SOX6: variants seen among roughly 807,000 people sequenced by gnomAD.
SOX6 encodes the protein transcription factor SOX-6.
SOX6 carries 11 observed loss-of-function variants against 97.8 expected under a neutral mutation model. The observed-to-expected ratio is 0.11, with a 90% confidence interval of 0.07 to 0.19. The LOEUF is 0.19. Ranked by LOEUF, SOX6 falls within the 10% of genes least tolerant of loss-of-function variation. The probability of loss-of-function intolerance (pLI) is 1.00; values close to 1 mark genes in which losing one functional copy is unlikely to be tolerated. For synonymous variants in SOX6, 360 were observed against 371.4 expected (o/e 0.97, Z 0.35); for missense variants, 810 against 1,039.5 (o/e 0.78, Z 3.04).
intron 3 of SOX6, among the ~76,000 whole-genome samples, chr11:16,276,639 T>C (rs573410133): frequency 2.0e-5 from 3 of 152,302 alleles, no homozygotes; most frequent in Admixed American, 1.3e-4. Context: ...CTTATAATGA[T>C]AAAGGGAAGG....
intron 4 of SOX6, among the ~76,000 whole-genome samples, chr11:16,588,504 A>G (rs1343853628): frequency 6.6e-6 from 1 of 152,162 alleles, no homozygotes; most frequent in African/African-American, 2.4e-5. Context: ...GTCCTTTCCC[A>G]GCTTCTGCTC....
At chr11:16,269,537 C>A (rs1206550671) in intron 3 of SOX6, among the ~76,000 whole-genome samples, 1 of 150,582 alleles carries the variant, frequency 6.6e-6, no homozygotes, top group African/African-American at 2.4e-5. Context: ...AAATAACTAA[C>A]TTCTTCATGA....
At chr11:16,177,653 C>CTCTCTCTCAT (rs1851235183) in intron 6 of SOX6, among the ~76,000 whole-genome samples, 3 of 150,046 alleles carry the variant, frequency 2.0e-5, no homozygotes, top group Non-Finnish European at 3.0e-5. Context: ...CTCTCTCATT[C>CTCTCTCTCAT]TCTCTCTCTC....
intron 4 of SOX6, among the ~76,000 whole-genome samples, chr11:16,574,490 G>A (rs1434406734): frequency 6.6e-6 from 1 of 152,094 alleles, no homozygotes; most frequent in African/African-American, 2.4e-5. Flanking sequence ...ATCTTCAGGT[G>A]TATTCAAGGT....
chr11:16,651,424 C>A (rs947613224), intron 3 of SOX6, among the ~76,000 whole-genome samples: 1 of 152,084 alleles, frequency 6.6e-6, no homozygotes, highest in African/African-American at 2.4e-5. Flanking sequence ...AGATAATACA[C>A]CATGATCAAC....
At chr11:16,146,648 AT>A (rs1850306500) in intron 6 of SOX6, among the ~76,000 whole-genome samples, 1 of 152,180 alleles carries the variant, frequency 6.6e-6, no homozygotes, top group Non-Finnish European at 1.5e-5. Flanking sequence ...ACTCAAACAA[AT>A]TTACAAGAAA....
At chr11:16,659,955 A>C (rs993652062) in intron 3 of SOX6, among the ~76,000 whole-genome samples, 1 of 152,062 alleles carries the variant, frequency 6.6e-6, no homozygotes, top group Non-Finnish European at 1.5e-5. Context: ...TGTTCATGGA[A>C]TCAGTATAGT....
At chr11:16,264,544 T>C (rs1221792931) in intron 3 of SOX6, 1 of 151,956 alleles carries the variant, frequency 6.6e-6, no homozygotes, top group Non-Finnish European at 1.5e-5. Context: ...TTTTTGCATA[T>C]CTTTTTTCAT....
intron 2 of SOX6, among the ~76,000 whole-genome samples, chr11:16,333,600 T>TA (rs1169903980): frequency 0.013 from 1,971 of 148,056 alleles, 27 homozygotes; most frequent in African/African-American, 0.034. Flanking sequence ...AAGGTTTATT[T>TA]AAAAAAAAAA....
chr11:16,011,733 T>A (rs1854732816), intron 13 of SOX6, among the ~76,000 whole-genome samples: 1 of 151,972 alleles, frequency 6.6e-6, no homozygotes, highest in Non-Finnish European at 1.5e-5. Context: ...AGAAGCCCCA[T>A]AGGAGGATGG....
chr11:16,056,827 G>T (rs1847827268), intron 9 of SOX6, among the ~76,000 whole-genome samples: 1 of 152,046 alleles, frequency 6.6e-6, no homozygotes, highest in Non-Finnish European at 1.5e-5. Flanking sequence ...AAAATATGTT[G>T]ATTTCACTAA....
chr11:16,557,223 G>C (rs1233893171), intron 4 of SOX6, among the ~76,000 whole-genome samples: 1 of 151,782 alleles, frequency 6.6e-6, no homozygotes, highest in East Asian at 1.9e-4. Context: ...ATGTTCACAT[G>C]AAGTGTAAAG....
intron 12 of SOX6, among the ~76,000 whole-genome samples, chr11:16,030,512 A>C (rs1262602827): frequency 6.6e-6 from 1 of 152,188 alleles, no homozygotes; most frequent in Admixed American, 6.5e-5. Flanking sequence ...TACTGCCTCA[A>C]ATATCAACTA....
At chr11:16,422,497 G>T (rs1166762138) in intron 1 of SOX6, among the ~76,000 whole-genome samples, 2 of 152,186 alleles carry the variant, frequency 1.3e-5, no homozygotes, top group Admixed American at 1.3e-4. Flanking sequence ...TGGCCTTATA[G>T]TCTACCTGGA....
chr11:16,575,141 T>TA (rs1291914799), intron 4 of SOX6, among the ~76,000 whole-genome samples: 1 of 152,060 alleles, frequency 6.6e-6, no homozygotes, highest in African/African-American at 2.4e-5. Flanking sequence ...AATAGCTTAT[T>TA]TAAAAAGTGC....
chr11:16,338,438 T>A (rs1298442344), intron 2 of SOX6, among the ~76,000 whole-genome samples: 2 of 152,008 alleles, frequency 1.3e-5, no homozygotes, highest in Non-Finnish European at 2.9e-5. Context: ...TTTTTTCCTG[T>A]AAGTGTTATG....
chr11:16,665,520 G>GTAGA (rs1847800743), intron 3 of SOX6, among the ~76,000 whole-genome samples: 1 of 152,328 alleles, frequency 6.6e-6, no homozygotes, highest in Admixed American at 6.5e-5. Context: ...TTCAGCCATA[G>GTAGA]TAGAGTACAG....
intron 6 of SOX6, among the ~76,000 whole-genome samples, chr11:16,176,402 A>G (rs1235768851): frequency 6.6e-6 from 1 of 151,888 alleles, no homozygotes; most frequent in African/African-American, 2.4e-5. Flanking sequence ...CACTGCTCAC[A>G]TTCATCAGAT....
intron 4 of SOX6, among the ~76,000 whole-genome samples, chr11:16,520,042 A>G (rs547330197): frequency 9.2e-5 from 14 of 152,140 alleles, no homozygotes; most frequent in African/African-American, 3.1e-4. Context: ...ATTTTAATGC[A>G]GTTATTTGTT....
Sources: allele counts gnomAD v4.1 joint callset (sites outside exome capture counted in the v4.1 genomes callset), GRCh38; gene constraint gnomAD v4.1.1; transcripts MANE v1.5; gene names NCBI Gene and HGNC (gene_info 2026-07-23, HGNC 2026-07-21).